LYZL6: variants seen among roughly 807,000 people sequenced by gnomAD.
LYZL6 encodes the protein lysozyme like 6.
In LYZL6, 21 loss-of-function variants were observed where a neutral mutation model predicts 15.0. The ratio of observed to expected loss-of-function variants is 1.40; its 90% CI spans 1.00 to 2.02. LYZL6 has a LOEUF of 2.02. LYZL6 is among the 30% of genes most tolerant of loss of function. LYZL6 has a pLI of 0.00. For synonymous variants in LYZL6, 72 were observed against 67.8 expected, an observed-to-expected ratio of 1.06 and a Z score of -0.31; for missense variants, 173 against 180.5, an observed-to-expected ratio of 0.96 and a Z score of 0.24.
intron 4 of LYZL6, among the ~76,000 whole-genome samples, chr17:35,935,817 ATT>A (rs762873820): frequency 4.2e-5 from 5 of 119,236 alleles, no homozygotes; most frequent in Admixed American, 8.6e-5. Context: ...CAGCCGCCAC[ATT>A]TTTTTTTTTT....
At chr17:35,934,952 G>C (rs2089358058) in intron 4 of LYZL6, 87 bp from the exon 5 acceptor site, 1 of 1,255,472 alleles carries the variant, frequency 8.0e-7, no homozygotes, top group Admixed American at 1.8e-5. Flanking sequence ...CTCGCATATG[G>C]AGCAACGCCC....
chr17:35,940,555 A>G (rs1484769058), intron 1 of LYZL6, among the ~76,000 whole-genome samples: 1 of 152,244 alleles, frequency 6.6e-6, no homozygotes, highest in Non-Finnish European at 1.5e-5. Flanking sequence ...GTTAAAGTGT[A>G]CAATTCAGTG....
chr17:35,939,924 G>A (rs1310578865), intron 1 of LYZL6, among the ~76,000 whole-genome samples: 4 of 152,200 alleles, frequency 2.6e-5, no homozygotes, highest in Admixed American at 2.0e-4. Context: ...ATATGTGTGT[G>A]TGTATCTGAG....
rs61753640 is a variant in LYZL6 at position 35,934,837 on chromosome 17, G to T, written c.406C>A (p.Arg136=). 5.0e-6 allele frequency: 8 copies of T among 1,614,116 alleles called. No homozygotes were observed. Among genetic ancestry groups the T allele is most frequent in the Non-Finnish European group, 6.8e-6 (8 of 1,180,026 alleles). ...CCTGTCAGCCAGTAGAAGAGTGGCC[G>T]GCCTGAACAGTGCAACCTCCATTCT... ...WVEWRLHCSG[R]PLFYWLTGCR... is the part of the protein sequence containing the mutation. The change falls in exon 5 of 5, where the codon CGG becomes AGG. Residue 136 remains arginine, a synonymous_variant. Transcript: ENST00000615905.
intron 2 of LYZL6, among the ~76,000 whole-genome samples, chr17:35,938,788 C>T (rs190523346): frequency 4.6e-5 from 7 of 152,300 alleles, no homozygotes; most frequent in African/African-American, 1.2e-4. Flanking sequence ...TTCCCCCAGA[C>T]ATTTGGGTGA....
At chr17:35,936,609 A>T (rs900184638) in intron 4 of LYZL6, 146 bp downstream of exon 4, 1 of 651,582 alleles carries the variant, frequency 1.5e-6, no homozygotes, top group African/African-American at 1.8e-5. Context: ...GAAGAACCAG[A>T]TCTCAGAGTT....
At chr17:35,940,912 A>T (rs1455246555) in intron 1 of LYZL6, among the ~76,000 whole-genome samples, 1 of 152,228 alleles carries the variant, frequency 6.6e-6, no homozygotes, top group Admixed American at 6.5e-5. Context: ...CTATCCATTC[A>T]TTAGTTGATG....
intron 4 of LYZL6, among the ~76,000 whole-genome samples, chr17:35,935,811 C>G (rs1020377190): frequency 1.3e-5 from 2 of 149,932 alleles, no homozygotes; most frequent in African/African-American, 4.9e-5. Context: ...TGCGCCCAGC[C>G]GCCACATTTT....
At position 35,939,350 on chromosome 17, in the gene LYZL6, T is replaced by C. The variant is rs774448480; in HGVS notation, c.7A>G (p.Lys3Glu). 3.7e-6 allele frequency: 6 copies of C among 1,613,902 alleles called. No homozygotes were observed. The Admixed American group carries it at 1.0e-4, about 27-fold the overall frequency. ...CTGACCAAATAGATGAGTAGCGCCT[T>C]TGTCATCCTTGGAGGGGAGGAGGTG... The part of the protein sequence containing the change: MT[K>E]ALLIYLVSSF... Residue 3 changes from lysine (K) to glutamate (E), a missense_variant, in exon 2 of 5, where the codon AAG (lysine) becomes GAG (glutamate). Physicochemically the swap from Lys to Glu is moderately conservative, Grantham distance 56 (BLOSUM62 1). Coordinates refer to ENST00000615905, the MANE Select transcript of LYZL6 (RefSeq NM_020426.4).
chr17:35,942,141 T>C (rs1171308523), intron 1 of LYZL6, among the ~76,000 whole-genome samples: 2 of 152,202 alleles, frequency 1.3e-5, no homozygotes, highest in Non-Finnish European at 2.9e-5. Context: ...AACTGGCCTG[T>C]ATTCTTCAAA....
intron 1 of LYZL6, among the ~76,000 whole-genome samples, chr17:35,940,757 G>A (rs528775883): frequency 9.9e-5 from 15 of 152,252 alleles, no homozygotes; most frequent in African/African-American, 3.6e-4. Flanking sequence ...TACACACGGA[G>A]TTACAGAAAA....
chr17:35,935,371 G>A (rs1354872123), intron 4 of LYZL6, among the ~76,000 whole-genome samples: 2 of 152,208 alleles, frequency 1.3e-5, no homozygotes, highest in African/African-American at 2.4e-5. Flanking sequence ...TCACAGCTAT[G>A]TGGGTGTCTG....
Position 35,937,813 on chromosome 17 carries a change from G to C in LYZL6, c.243C>G (p.Tyr81Ter), listed in dbSNP as rs1053045455. The part of the protein sequence containing the change: ...DYGLFQINSH[Y>*]WCNDYKSYSE... ...AGTAACTCTTATAATCGTTGCACCA[G>C]TAGTGGCTGTTGATCTGGAAGAGGC... The change falls in exon 3 of 5, where the codon TAC (tyrosine) becomes TAG (stop). Residue 81 changes from tyrosine to a stop codon, truncating the protein, a stop_gained. Coordinates refer to ENST00000615905, the MANE Select transcript of LYZL6 (RefSeq NM_020426.4). LOFTEE classifies it high-confidence loss of function. 6.2e-7 allele frequency: 1 copy of C among 1,614,174 alleles called. No individual in the cohort carries two copies.
At chr17:35,936,934 C>T in intron 3 of LYZL6, 101 bp from the exon 4 acceptor site, 1 of 1,006,694 alleles carries the variant, frequency 9.9e-7, no homozygotes, top group South Asian at 1.3e-5. Context: ...CACCTAGAGG[C>T]TTCCAGTTGA....
At position 35,935,895 on chromosome 17, in the gene LYZL6, C is replaced by T. The variant is rs561641525; in HGVS notation, c.377+860G>A. On this transcript the variant is annotated intron_variant, in intron 4 of 4. Transcript: ENST00000615905. The stretch of plus-strand genomic sequence containing the variant: ...GTGGCGCGATCTCGGCTCACTGCAG[C>T]CTCCACCTCCCAGGTTCAAGCGATT... 6.6e-5 allele frequency among the ~76,000 whole-genome samples: 10 copies of T among 151,888 alleles called. No homozygotes were observed. In the East Asian group the frequency reaches 1.7e-3, roughly 27 times the overall value.
intron 1 of LYZL6, among the ~76,000 whole-genome samples, chr17:35,942,580 C>A (rs933670282): frequency 6.6e-6 from 1 of 152,136 alleles, no homozygotes; most frequent in Non-Finnish European, 1.5e-5. Flanking sequence ...TTCCTTTTAA[C>A]GCAAAGCAGC....
At chr17:35,936,656 T>G in intron 4 of LYZL6, 99 bp downstream of exon 4, 1 of 958,916 alleles carries the variant, frequency 1.0e-6, no homozygotes, top group Non-Finnish European at 1.7e-6. Context: ...TTCTAGACAC[T>G]GCAAGGGCGT....
Position 35,937,915 on chromosome 17 carries a change from C to G in LYZL6, c.141G>C (p.Trp47Cys), listed in dbSNP as rs908450406. Residue 47 changes from tryptophan to cysteine, a missense_variant and splice_region_variant, in exon 3 of 5, where the codon TGG becomes TGC. Coordinates refer to ENST00000615905, the MANE Select transcript of LYZL6 (RefSeq NM_020426.4). ...TGCTTTCCACAAAAGCCAGGCACAGCCCTTAGAGTAGGGAGAAGAAGGTCA... is the reference window on the plus strand; with the variant it reads ...TGCTTTCCACAAAAGCCAGGCACAGGCCTTAGAGTAGGGAGAAGAAGGTCA... ...DGFEGYSLSDWLCLAFVESKF... is the reference protein window; with the variant it reads ...DGFEGYSLSDCLCLAFVESKF... The G allele has an allele frequency of 1.9e-6, 3 of 1,613,132 alleles. No homozygotes were observed. Among genetic ancestry groups the G allele is most frequent in the Non-Finnish European group, 2.5e-6 (3 of 1,179,908 alleles).
rs775386753 is a variant in LYZL6, at chr17:35,937,745, G to T, written c.298+13C>A. ...CTGCTCTCATCTCTCCCACCCTGGG[G>T]CCCTGGCCAGACCTTGACAGTCTAC... On this transcript the variant is annotated intron_variant, in intron 3 of 4. Transcript: ENST00000615905. 4.3e-6 allele frequency: 7 copies of T among 1,612,986 alleles called. No homozygotes were observed. The South Asian group carries it at 7.7e-5, about 18-fold the overall frequency.
Sources: gnomAD v4.1 joint callset for allele counts (sites outside exome capture counted in the v4.1 genomes callset) on GRCh38, gnomAD v4.1.1 for gene constraint, MANE v1.5 for transcripts, NCBI Gene and HGNC (gene_info 2026-07-23, HGNC 2026-07-21) for gene names.